KIAA0586: variants seen among roughly 807,000 people sequenced by gnomAD.
The protein encoded by KIAA0586 is protein TALPID3.
KIAA0586 carries 144 observed loss-of-function variants against 169.8 expected under a neutral mutation model. That is an observed-to-expected ratio of 0.85 (90% CI 0.74 to 0.97). The LOEUF (loss-of-function observed/expected upper bound fraction) is 0.97, where lower values mean the gene tolerates loss of function less well. Among genes scored for constraint, KIAA0586 ranks in the 50% least tolerant of loss-of-function variants. The pLI is 0.00. For missense variants in KIAA0586, 1,854 were observed against 1,823.0 expected, an observed-to-expected ratio of 1.02 and a Z score of -0.31; for synonymous variants, 625 against 612.4, an observed-to-expected ratio of 1.02 and a Z score of -0.30.
In KIAA0586 at chr14:58,474,828, A is replaced by G. The variant is rs373998581; in HGVS notation, c.2825+31A>G. 2.8e-6 allele frequency: 4 copies of G among 1,406,116 alleles called. No individual in the cohort carries two copies. In the African/African-American group the frequency reaches 5.8e-5, roughly 20 times the overall value. The allele number at this position is 1,406,116 out of a possible 1,614,324, so 87.1% of individuals were successfully genotyped here. On this transcript the variant is annotated intron_variant, in intron 19 of 30. Transcript: ENST00000652326. ...TTTATAATGTTTTTGGTATGAATAGAACCATAGTAGAAAATATAAATGGAA... is the reference window on the plus strand; with the variant it reads ...TTTATAATGTTTTTGGTATGAATAGGACCATAGTAGAAAATATAAATGGAA...
At chr14:58,473,099 C>T (rs1443107832) in intron 18 of KIAA0586, among the ~76,000 whole-genome samples, 1 of 151,306 alleles carries the variant, frequency 6.6e-6, no homozygotes, top group East Asian at 2.0e-4. Context: ...ATTTAGCATT[C>T]AAAGACAAGT....
intron 9 of KIAA0586, 38 bp from the exon 10 acceptor site, chr14:58,456,664 A>G (rs780319319): frequency 4.1e-6 from 5 of 1,226,214 alleles, no homozygotes; most frequent in Non-Finnish European, 5.8e-6. Context: ...AACTTTTTCA[A>G]AAATCTTCTG....
At chr14:58,519,271 G>A (rs1440164209) in intron 29 of KIAA0586, among the ~76,000 whole-genome samples, 1 of 152,172 alleles carries the variant, frequency 6.6e-6, no homozygotes, top group African/African-American at 2.4e-5. Flanking sequence ...TAGAGATAGA[G>A]TTTCACTGTC....
chr14:58,547,987 C>A lies in KIAA0586; in HGVS notation c.*55C>A. The A allele has an allele frequency of 6.3e-7, 1 of 1,593,022 alleles. No individual in the cohort carries two copies. Among genetic ancestry groups the A allele is most frequent in the South Asian group, 1.1e-5 (1 of 88,828 alleles). Reference sequence around the variant, plus strand: ...TGCCACTGGTTTTAAAGTCATTTTACCTTGGCTTAAAACCCTCTCTCAGAC... The same window carrying A: ...TGCCACTGGTTTTAAAGTCATTTTAACTTGGCTTAAAACCCTCTCTCAGAC... On this transcript the variant is annotated 3_prime_UTR_variant, in exon 31 of 31. Transcript: ENST00000652326.
rs984109770 is a variant in KIAA0586 at position 58,450,592 on chromosome 14, A to G, written c.975A>G (p.Glu325=). 2.5e-6 allele frequency: 4 copies of G among 1,602,416 alleles called. No homozygotes were observed. In the African/African-American group the frequency reaches 5.4e-5, roughly 22 times the overall value. ...TFASKQAPLK[E]VEDTSFDKQK... Reference sequence around the variant, plus strand: ...TTTCTGTTAAAGCACCTTTAAAAGAAGTTGAAGATACGAGTTTTGATAAAC... The same window carrying G: ...TTTCTGTTAAAGCACCTTTAAAAGAGGTTGAAGATACGAGTTTTGATAAAC... The change falls in exon 8 of 31, where the codon GAA becomes GAG. Residue 325 remains glutamate (E), a synonymous_variant. Transcript: ENST00000652326.
At position 58,444,085 on chromosome 14, in the gene KIAA0586, T is replaced by C. The variant is rs1367692106; in HGVS notation, c.717T>C (p.His239=). 6.2e-7 allele frequency: 1 copy of C among 1,613,578 alleles called. No individual in the cohort carries two copies. The highest frequency in any genetic ancestry group is 8.5e-7 in the Non-Finnish European group (1 of 1,179,742). Reference sequence around the variant, plus strand: ...TTCAGAGGAAACAAGAGAAATTACATTGTCATGATCACGAAAAGCAAATGA... The same window carrying C: ...TTCAGAGGAAACAAGAGAAATTACACTGTCATGATCACGAAAAGCAAATGA... The part of the protein sequence containing the change: ...TSIQRKQEKL[H]CHDHEKQMNV... Residue 239 remains histidine (H), a synonymous_variant, in exon 6 of 31, where the codon CAT becomes CAC. Transcript: ENST00000652326.
intron 20 of KIAA0586, among the ~76,000 whole-genome samples, chr14:58,480,556 T>C (rs985277895): frequency 1.1e-4 from 16 of 152,164 alleles, no homozygotes; most frequent in African/African-American, 3.9e-4. Context: ...TTGATGAATA[T>C]TGTGCTTGAT....
At chr14:58,447,421 A>G (rs1487330884) in intron 6 of KIAA0586, among the ~76,000 whole-genome samples, 1 of 151,548 alleles carries the variant, frequency 6.6e-6, no homozygotes, top group Non-Finnish European at 1.5e-5. Flanking sequence ...TTTATTAGTT[A>G]AGATACTTGC....
At chr14:58,514,736 G>T (rs912391374) in intron 29 of KIAA0586, among the ~76,000 whole-genome samples, 1 of 151,888 alleles carries the variant, frequency 6.6e-6, no homozygotes, top group Non-Finnish European at 1.5e-5. Flanking sequence ...TTTTAATTTG[G>T]TATTGAATTT....
Position 58,444,048 on chromosome 14 carries a change from A to G in KIAA0586, c.680A>G (p.Gln227Arg). ...TDKHLQRVTEQQTSIQRKQEK... is the reference protein window; with the variant it reads ...TDKHLQRVTERQTSIQRKQEK... ...AAACACCTGCAACGTGTTACAGAGC[A>G]GCAAACAAGCATTCAGAGGAAACAA... The change falls in exon 6 of 31, where the codon CAG becomes CGG. Residue 227 changes from glutamine (Q) to arginine (R), a missense_variant. Coordinates refer to ENST00000652326, the MANE Select transcript of KIAA0586 (RefSeq NM_001329943.3). 6.2e-7 allele frequency: 1 copy of G among 1,612,912 alleles called. No homozygotes were observed. The highest frequency in any genetic ancestry group is 8.5e-7 in the Non-Finnish European group (1 of 1,179,138).
intron 29 of KIAA0586, among the ~76,000 whole-genome samples, chr14:58,517,424 C>T (rs2044844477): frequency 6.6e-6 from 1 of 152,094 alleles, no homozygotes; most frequent in Non-Finnish European, 1.5e-5. Flanking sequence ...AAATTAAATA[C>T]CACTGAATAC....
chr14:58,459,582 T>C (rs1328494144), intron 12 of KIAA0586, among the ~76,000 whole-genome samples: 2 of 152,112 alleles, frequency 1.3e-5, no homozygotes, highest in Non-Finnish European at 2.9e-5. Flanking sequence ...TCATGCAAAG[T>C]TGTCCTGCTA....
chr14:58,448,352 A>G lies in KIAA0586; in HGVS notation c.820A>G (p.Ser274Gly). 6.4e-7 allele frequency: 1 copy of G among 1,566,492 alleles called. No homozygotes were observed. Among genetic ancestry groups the G allele is most frequent in the Non-Finnish European group, 8.7e-7 (1 of 1,150,774 alleles). Residue 274 changes from serine (S) to glycine (G), a missense_variant, in exon 7 of 31, where the codon AGT becomes GGT. Transcript: ENST00000652326. ...QQIDIQTHFI[S>G]AALKTSSFQP... Reference sequence around the variant, plus strand: ...TTATTTCTTCTAGACTCATTTTATTAGTGCTGCACTCAAGACTAGTAGTTT... The same window carrying G: ...TTATTTCTTCTAGACTCATTTTATTGGTGCTGCACTCAAGACTAGTAGTTT...
intron 29 of KIAA0586, among the ~76,000 whole-genome samples, chr14:58,537,754 T>C (rs897093592): frequency 6.6e-5 from 10 of 152,012 alleles, no homozygotes; most frequent in Admixed American, 2.0e-4. Context: ...TTCACGCCAT[T>C]CTCCTGCCTC....
At chr14:58,555,648 GC>G (rs1464880043), downstream of KIAA0586, among the ~76,000 whole-genome samples, 3 of 152,024 alleles carry the variant, frequency 2.0e-5, no homozygotes, top group Non-Finnish European at 4.4e-5. Flanking sequence ...TTACCATGGA[GC>G]TTAATTTGAT....
At chr14:58,467,472 G>A (rs2040857900) in intron 15 of KIAA0586, among the ~76,000 whole-genome samples, 1 of 152,110 alleles carries the variant, frequency 6.6e-6, no homozygotes, top group African/African-American at 2.4e-5. Flanking sequence ...TTTAAAATGT[G>A]GATAGTATTA....
chr14:58,466,148 T>TGCTTGAGTC, intron 15 of KIAA0586, 119 bp downstream of exon 15: 1 of 687,520 alleles, frequency 1.5e-6, no homozygotes, highest in Non-Finnish European at 2.4e-6. Flanking sequence ...ACTCCTGGAC[T>TGCTTGAGTC]CAAGCAGTCC....
At chr14:58,454,614 T>A (rs1432695409) in intron 9 of KIAA0586, among the ~76,000 whole-genome samples, 1 of 152,114 alleles carries the variant, frequency 6.6e-6, no homozygotes, top group East Asian at 1.9e-4. Context: ...ATTTTCTCAG[T>A]TTTTGTTTAT....
At chr14:58,466,171 C>A in intron 15 of KIAA0586, 142 bp downstream of exon 15, 1 of 585,636 alleles carries the variant, frequency 1.7e-6, no homozygotes, top group Non-Finnish European at 2.9e-6. Flanking sequence ...CCACCTCAAC[C>A]TCTCAAAGTG....
Sources: allele counts gnomAD v4.1 joint callset (sites outside exome capture counted in the v4.1 genomes callset), GRCh38; gene constraint gnomAD v4.1.1; transcripts MANE v1.5; gene names NCBI Gene and HGNC (gene_info 2026-07-23, HGNC 2026-07-21).